ACKR1: variants seen among roughly 807,000 people sequenced by gnomAD.
ACKR1 encodes the protein atypical chemokine receptor 1.
A neutral mutation model predicts 2.5 loss-of-function variants in ACKR1; 3 were observed. The ratio of observed to expected loss-of-function variants is 1.18; its 90% CI spans 0.54 to 3.06. The LOEUF is 3.06. Ranked by LOEUF, ACKR1 falls within the 30% of genes most tolerant of loss-of-function variation. The pLI is 0.03. For missense variants in ACKR1, 438 were observed against 395.2 expected, an observed-to-expected ratio of 1.11 and a Z score of -0.92; for synonymous variants, 208 against 178.2, an observed-to-expected ratio of 1.17 and a Z score of -1.33.
In ACKR1 at chr1:159,206,373, AC is replaced by A; in HGVS notation, c.937del (p.Arg313AlafsTer41). 6.2e-7 allele frequency: 1 copy of A among 1,614,116 alleles called. No individual in the cohort carries two copies. Among genetic ancestry groups the A allele is most frequent in the South Asian group, 1.1e-5 (1 of 91,084 alleles). ...CCTCGCCCTATTCTGCCACCAGGCC[AC>A]CCGCACCCTCTTGCCCTCTCTGCCC... is the stretch of plus-strand genomic sequence containing the variant. ...LLLALFCHQA[T>X]RTLLPSLPLP... On this transcript the variant is annotated frameshift_variant, in exon 2 of 2. Coordinates refer to ENST00000368122, the MANE Select transcript of ACKR1 (RefSeq NM_002036.4). LOFTEE classifies it low-confidence loss of function (END_TRUNC).
In ACKR1 at chr1:159,206,235, G is replaced by A. The variant is rs777832834; in HGVS notation, c.796G>A (p.Val266Met). 8 of 1,614,122 alleles carry A rather than the reference G, an allele frequency of 5.0e-6. No individual in the cohort carries two copies. The African/African-American group carries it at 8.0e-5, about 16-fold the overall frequency. ...GGTGGTTCTAGGACTGGATTTCCTG[G>A]TGAGGTCCAAGCTGTTGCTGTTGTC... is the stretch of plus-strand genomic sequence containing the variant. ...HGVVLGLDFL[V>M]RSKLLLLSTC... The change falls in exon 2 of 2, where the codon GTG becomes ATG. Residue 266 changes from valine to methionine, a missense_variant. Coordinates refer to ENST00000368122, the MANE Select transcript of ACKR1 (RefSeq NM_002036.4).
rs538846002 is a variant in ACKR1, at chr1:159,205,372, C to T, written c.22-89C>T. ...GACCTTGTTCTCCCACCCGACCTTC[C>T]TCTCTGTCCTCCCCTCCCACCTGCC... On this transcript the variant is annotated intron_variant, in intron 1 of 1. Transcript: ENST00000368122. 3.5e-5 allele frequency: 53 copies of T among 1,507,196 alleles called. No homozygotes were observed. In the Admixed American group the frequency reaches 5.8e-4, roughly 16 times the overall value. 93.4% of individuals were successfully genotyped at this position (1,507,196 alleles called of 1,614,324 possible).
At position 159,206,290 on chromosome 1, in the gene ACKR1, T is replaced by C. The variant is rs1451865874; in HGVS notation, c.851T>C (p.Leu284Pro). The change falls in exon 2 of 2, where the codon CTG (leucine) becomes CCG (proline). Residue 284 changes from leucine to proline, a missense_variant. Leu to Pro is a moderately conservative substitution (Grantham distance 98). Transcript: ENST00000368122. The stretch of plus-strand genomic sequence containing the variant: ...TGTCTGGCCCAGCAGGCTCTGGACC[T>C]GCTGCTGAACCTGGCAGAAGCCCTG... ...STCLAQQALDLLLNLAEALAI... is the reference protein window; with the variant it reads ...STCLAQQALDPLLNLAEALAI... 2.5e-6 allele frequency: 4 copies of C among 1,614,254 alleles called. No homozygotes were observed. Among genetic ancestry groups the C allele is most frequent in the Middle Eastern group, 1.6e-4 (1 of 6,062 alleles).
chr1:159,206,265 T>C lies in ACKR1; in HGVS notation c.826T>C (p.Cys276Arg). The C allele has an allele frequency of 6.2e-7, 1 of 1,614,236 alleles. No individual in the cohort carries two copies. The highest frequency in any genetic ancestry group is 8.5e-7 in the Non-Finnish European group (1 of 1,180,044). ...GTCCAAGCTGTTGCTGTTGTCAACATGTCTGGCCCAGCAGGCTCTGGACCT... is the reference window on the plus strand; with the variant it reads ...GTCCAAGCTGTTGCTGTTGTCAACACGTCTGGCCCAGCAGGCTCTGGACCT... Reference protein sequence around the residue: ...VRSKLLLLSTCLAQQALDLLL... With the variant: ...VRSKLLLLSTRLAQQALDLLL... The change falls in exon 2 of 2, where the codon TGT becomes CGT. Residue 276 changes from cysteine (C) to arginine (R), a missense_variant. Coordinates refer to ENST00000368122, the MANE Select transcript of ACKR1 (RefSeq NM_002036.4).
Position 159,205,631 on chromosome 1 carries a change from C to G in ACKR1, c.192C>G (p.Phe64Leu). The G allele has an allele frequency of 6.2e-7, 1 of 1,614,200 alleles. No homozygotes were observed. ...CNLLDDSALPFFILTSVLGIL... is the reference protein window; with the variant it reads ...CNLLDDSALPLFILTSVLGIL... The stretch of plus-strand genomic sequence containing the variant: ...TGCTGGATGACTCTGCACTGCCCTT[C>G]TTCATCCTCACCAGTGTCCTGGGTA... Residue 64 changes from phenylalanine (F) to leucine (L), a missense_variant, in exon 2 of 2, where the codon TTC becomes TTG. Physicochemically the swap from Phe to Leu is conservative, Grantham distance 22 (BLOSUM62 0). Transcript: ENST00000368122.
Position 159,206,312 on chromosome 1 carries a change from C to T in ACKR1, c.873C>T (p.Ala291=). 1 of 1,614,220 alleles carries T rather than the reference C, an allele frequency of 6.2e-7. No individual in the cohort carries two copies. The highest frequency in any genetic ancestry group is 8.5e-7 in the Non-Finnish European group (1 of 1,180,036). The change falls in exon 2 of 2, where the codon GCC becomes GCT. Residue 291 remains alanine (A), a synonymous_variant. Coordinates refer to ENST00000368122, the MANE Select transcript of ACKR1 (RefSeq NM_002036.4). ...ALDLLLNLAE[A]LAILHCVATP... ...ACCTGCTGCTGAACCTGGCAGAAGC[C>T]CTGGCAATTTTGCACTGTGTGGCTA...
Position 159,205,888 on chromosome 1 carries a change from A to G in ACKR1, c.449A>G (p.His150Arg). 4 of 1,614,038 alleles carry G rather than the reference A, an allele frequency of 2.5e-6. No homozygotes were observed. Among genetic ancestry groups the G allele is most frequent in the South Asian group, 1.1e-5 (1 of 91,084 alleles). ...AFAQALLLGC[H>R]ASLGHRLGAG... is the part of the protein sequence containing the mutation. The stretch of plus-strand genomic sequence containing the variant: ...GCCCAGGCTTTGCTGCTAGGGTGCC[A>G]TGCCTCCCTGGGCCACAGACTGGGT... The change falls in exon 2 of 2, where the codon CAT (histidine) becomes CGT (arginine). Residue 150 changes from histidine (H) to arginine (R), a missense_variant. By Grantham distance (29) the His-to-Arg change is conservative (BLOSUM62 0). Transcript: ENST00000368122.
In ACKR1 at chr1:159,205,730, T is replaced by G. The variant is rs1201449770; in HGVS notation, c.291T>G (p.Pro97=). The G allele has an allele frequency of 6.2e-7, 1 of 1,614,060 alleles. No individual in the cohort carries two copies. Among genetic ancestry groups the G allele is most frequent in the Admixed American group, 1.7e-5 (1 of 60,016 alleles). ...LFRWQLCPGW[P]VLAQLAVGSA... ...GCTGGCAGCTCTGCCCTGGCTGGCC[T>G]GTCCTGGCACAGCTGGCTGTGGGCA... is the stretch of plus-strand genomic sequence containing the variant. Residue 97 remains proline, a synonymous_variant, in exon 2 of 2, where the codon CCT becomes CCG. Transcript: ENST00000368122.
rs764752903 is a variant in ACKR1, at chr1:159,206,009, T to C, written c.570T>C (p.Ala190=). Residue 190 remains alanine, a synonymous_variant, in exon 2 of 2, where the codon GCT becomes GCC. Transcript: ENST00000368122. ...LTLPVTLASG[A]SGGLCTLIYS... ...TGCCTGTCACCCTGGCCAGTGGTGC[T>C]TCTGGTGGACTCTGCACCCTGATAT... The C allele has an allele frequency of 3.1e-6, 5 of 1,614,222 alleles. No individual in the cohort carries two copies. In the East Asian group the frequency reaches 1.1e-4, roughly 36 times the overall value.
Position 159,205,816 on chromosome 1 carries a change from C to T in ACKR1, c.377C>T (p.Ser126Phe), listed in dbSNP as rs752817196. The T allele has an allele frequency of 2.6e-5, 42 of 1,614,074 alleles. No individual in the cohort carries two copies. The South Asian group carries it at 4.4e-4, about 17-fold the overall frequency. Reference protein sequence around the residue: ...LAPGLGSTRSSALCSLGYCVW... With the variant: ...LAPGLGSTRSFALCSLGYCVW... ...CCAGGGCTAGGTAGCACTCGCAGCT[C>T]TGCCCTGTGTAGCCTGGGCTACTGT... Residue 126 changes from serine to phenylalanine, a missense_variant, in exon 2 of 2, where the codon TCT becomes TTT. Physicochemically the swap from Ser to Phe is radical, Grantham distance 155. Coordinates refer to ENST00000368122, the MANE Select transcript of ACKR1 (RefSeq NM_002036.4).
chr1:159,206,177 G>T lies in ACKR1; in HGVS notation c.738G>T (p.Leu246=). ...GMGPGPWMNI[L]WAWFIFWWPH... ...GGCCAGGCCCCTGGATGAATATCCT[G>T]TGGGCCTGGTTTATTTTCTGGTGGC... The change falls in exon 2 of 2, where the codon CTG becomes CTT. Residue 246 remains leucine, a synonymous_variant. Transcript: ENST00000368122. 6.2e-7 allele frequency: 1 copy of T among 1,614,240 alleles called. No homozygotes were observed. The highest frequency in any genetic ancestry group is 8.5e-7 in the Non-Finnish European group (1 of 1,180,042).
chr1:159,206,088 A>G lies in ACKR1; in HGVS notation c.649A>G (p.Ile217Val), dbSNP rs1174937025. 5.0e-6 allele frequency: 8 copies of G among 1,614,248 alleles called. No homozygotes were observed. Among genetic ancestry groups the G allele is most frequent in the Non-Finnish European group, 5.9e-6 (7 of 1,180,042 alleles). Residue 217 changes from isoleucine to valine, a missense_variant, in exon 2 of 2, where the codon ATC becomes GTC. By Grantham distance (29) the Ile-to-Val change is conservative. Coordinates refer to ENST00000368122, the MANE Select transcript of ACKR1 (RefSeq NM_002036.4). Reference protein sequence around the residue: ...QATHTVACLAIFVLLPLGLFG... With the variant: ...QATHTVACLAVFVLLPLGLFG... ...CACACACACTGTAGCCTGTCTTGCC[A>G]TCTTTGTCTTGTTGCCATTGGGTTT...
Position 159,206,084 on chromosome 1 carries a change from T to C in ACKR1, c.645T>C (p.Leu215=), listed in dbSNP as rs1650440258. Residue 215 remains leucine (L), a synonymous_variant, in exon 2 of 2, where the codon CTT becomes CTC. Transcript: ENST00000368122. ...AGGCCACACACACTGTAGCCTGTCT[T>C]GCCATCTTTGTCTTGTTGCCATTGG... is the stretch of plus-strand genomic sequence containing the variant. ...ALQATHTVAC[L]AIFVLLPLGL... is the part of the protein sequence containing the mutation. 1.2e-6 allele frequency: 2 copies of C among 1,614,124 alleles called. No homozygotes were observed. Among genetic ancestry groups the C allele is most frequent in the Non-Finnish European group, 1.7e-6 (2 of 1,180,044 alleles).
At position 159,205,640 on chromosome 1, in the gene ACKR1, C is replaced by G. The variant is rs779251893; in HGVS notation, c.201C>G (p.Leu67=). 5.6e-6 allele frequency: 9 copies of G among 1,614,080 alleles called. No individual in the cohort carries two copies. The East Asian group carries it at 8.9e-5, about 16-fold the overall frequency. Residue 67 remains leucine (L), a synonymous_variant, in exon 2 of 2, where the codon CTC becomes CTG. Coordinates refer to ENST00000368122, the MANE Select transcript of ACKR1 (RefSeq NM_002036.4). The part of the protein sequence containing the change: ...LDDSALPFFI[L]TSVLGILASS... Reference sequence around the variant, plus strand: ...ACTCTGCACTGCCCTTCTTCATCCTCACCAGTGTCCTGGGTATCCTAGCTA... The same window carrying G: ...ACTCTGCACTGCCCTTCTTCATCCTGACCAGTGTCCTGGGTATCCTAGCTA...
chr1:159,205,392 C>T (rs763829594), intron 1 of ACKR1, 69 bp from the exon 2 acceptor site: 9 of 1,554,338 alleles, frequency 5.8e-6, no homozygotes, highest in Middle Eastern at 1.7e-4. Context: ...TCCCCTCCCA[C>T]CTGCCCCTCA....
At position 159,206,006 on chromosome 1, in the gene ACKR1, T is replaced by A; in HGVS notation, c.567T>A (p.Gly189=). 6.2e-7 allele frequency: 1 copy of A among 1,614,150 alleles called. No homozygotes were observed. The highest frequency in any genetic ancestry group is 2.2e-5 in the East Asian group (1 of 44,882). ...CACTGCCTGTCACCCTGGCCAGTGG[T>A]GCTTCTGGTGGACTCTGCACCCTGA... The part of the protein sequence containing the change: ...LLTLPVTLAS[G]ASGGLCTLIY... Residue 189 remains glycine (G), a synonymous_variant, in exon 2 of 2, where the codon GGT becomes GGA. Transcript: ENST00000368122.
At chr1:159,205,105 C>A in intron 1 of ACKR1, 125 bp downstream of exon 1, 1 of 1,203,278 alleles carries the variant, frequency 8.3e-7, no homozygotes, top group Non-Finnish European at 1.2e-6. Flanking sequence ...TGCTTTTTTC[C>A]TCTTCCTTCA....
rs773154872 is a variant in ACKR1 at position 159,206,187 on chromosome 1, T to C, written c.748T>C (p.Phe250Leu). 3 of 1,614,188 alleles carry C rather than the reference T, an allele frequency of 1.9e-6. No individual in the cohort carries two copies. Among genetic ancestry groups the C allele is most frequent in the Non-Finnish European group, 2.5e-6 (3 of 1,180,030 alleles). Residue 250 changes from phenylalanine to leucine, a missense_variant, in exon 2 of 2, where the codon TTT (phenylalanine) becomes CTT (leucine). Phe to Leu is a conservative substitution (Grantham distance 22). Transcript: ENST00000368122. ...GPWMNILWAW[F>L]IFWWPHGVVL... is the part of the protein sequence containing the mutation. ...CTGGATGAATATCCTGTGGGCCTGG[T>C]TTATTTTCTGGTGGCCTCATGGGGT...
chr1:159,206,427 G>A lies in ACKR1; in HGVS notation c.988G>A (p.Asp330Asn). The change falls in exon 2 of 2, where the codon GAC becomes AAC. Residue 330 changes from aspartate to asparagine, a missense_variant. Coordinates refer to ENST00000368122, the MANE Select transcript of ACKR1 (RefSeq NM_002036.4). ...CCCTGAAGGATGGTCTTCTCATCTG[G>A]ACACCCTTGGAAGCAAATCCTAGTT... ...PLPEGWSSHL[D>N]TLGSKS is the part of the protein sequence containing the mutation. 1.2e-6 allele frequency: 2 copies of A among 1,613,538 alleles called. No individual in the cohort carries two copies. Among genetic ancestry groups the A allele is most frequent in the South Asian group, 1.1e-5 (1 of 91,020 alleles).
Sources: allele counts gnomAD v4.1 joint callset, GRCh38; gene constraint gnomAD v4.1.1; transcripts MANE v1.5; gene names NCBI Gene and HGNC (gene_info 2026-07-23, HGNC 2026-07-21).